The following ZBTB7C variants were observed in gnomAD, a reference collection of about 807,000 sequenced individuals.
ZBTB7C encodes zinc finger and BTB domain containing 7C.
Under a neutral mutation model 25.7 loss-of-function variants are expected in ZBTB7C, and 8 were observed. The observed-to-expected ratio is 0.31, with a 90% CI of 0.18 to 0.56. The LOEUF (loss-of-function observed/expected upper bound fraction) is 0.56, where lower values mean the gene tolerates loss of function less well. Ranked by LOEUF, ZBTB7C falls within the 20% of genes least tolerant of loss-of-function variation. ZBTB7C has a pLI of 0.91. For missense variants in ZBTB7C, 824 were observed against 855.2 expected, an observed-to-expected ratio of 0.96 and a Z score of 0.46; for synonymous variants, 394 against 369.0, an observed-to-expected ratio of 1.07 and a Z score of -0.78.
intron 3 of ZBTB7C, among the ~76,000 whole-genome samples, chr18:48,064,532 T>G (rs1435916803): frequency 1.3e-5 from 2 of 152,174 alleles, no homozygotes; most frequent in African/African-American, 4.8e-5. Context: ...TACTTGAGTT[T>G]AGGAGTTCAA....
intron 2 of ZBTB7C, among the ~76,000 whole-genome samples, chr18:48,245,384 T>C (rs1212294476): frequency 3.3e-5 from 5 of 150,884 alleles, no homozygotes; most frequent in Admixed American, 2.0e-4. Flanking sequence ...ACTGCTCAGG[T>C]GATGGGTGCA....
rs1339953533 is a variant in ZBTB7C, at chr18:48,029,055, GGAAAAGATGCCC to G, written c.*193_*204del. 1 of 728,720 alleles carries G rather than the reference GGAAAAGATGCCC, an allele frequency of 1.4e-6. No homozygotes were observed. Among genetic ancestry groups the G allele is most frequent in the Admixed American group, 4.0e-5 (1 of 25,242 alleles). The allele number at this position is 728,720 out of a possible 1,614,324, so 45.1% of individuals were successfully genotyped here. On this transcript the variant is annotated 3_prime_UTR_variant, in exon 5 of 5. Coordinates refer to ENST00000590800, the MANE Select transcript of ZBTB7C (RefSeq NM_001318841.2). Reference sequence around the variant, plus strand: ...GGAGGCCCGGGCTCCTGGCCTTTTGGGAAAAGATGCCCGTCTCAGACCAGCAAAAGGAGGCAG... The same window carrying G: ...GGAGGCCCGGGCTCCTGGCCTTTTGGGTCTCAGACCAGCAAAAGGAGGCAG...
At chr18:48,128,732 CA>C (rs879132349) in intron 3 of ZBTB7C, among the ~76,000 whole-genome samples, 9 of 151,318 alleles carry the variant, frequency 5.9e-5, no homozygotes, top group African/African-American at 1.7e-4. Flanking sequence ...GGGTGAGGGA[CA>C]AAAAAAACTA....
intron 1 of ZBTB7C, among the ~76,000 whole-genome samples, chr18:48,341,848 G>C (rs547138108): frequency 1.0e-3 from 157 of 152,238 alleles, no homozygotes; most frequent in Non-Finnish European, 1.9e-3. Context: ...TTACAAGTGT[G>C]ATCTGGAGAT....
intron 3 of ZBTB7C, among the ~76,000 whole-genome samples, chr18:48,180,148 T>TTCCTTCCTTCCTTCCTTCCTTCCTTCC (rs1568282872): frequency 2.0e-4 from 7 of 35,648 alleles, no homozygotes; most frequent in South Asian, 2.3e-3. Context: ...TCCTTCCTTC[T>TTCCTTCCTTCCTTCCTTCCTTCCTTCC]TTCCCTCCCT....
intron 1 of ZBTB7C, among the ~76,000 whole-genome samples, chr18:48,396,944 A>G (rs961139099): frequency 2.0e-5 from 3 of 152,172 alleles, no homozygotes; most frequent in African/African-American, 7.2e-5. Flanking sequence ...GAATTTAGTG[A>G]TCTGATATTT....
intron 1 of ZBTB7C, among the ~76,000 whole-genome samples, chr18:48,367,175 T>TTATATA (rs71165321): frequency 0.031 from 1,908 of 61,528 alleles, 32 homozygotes; most frequent in African/African-American, 0.045. Context: ...TCCCCAAGTT[T>TTATATA]TATATATATA....
intron 1 of ZBTB7C, among the ~76,000 whole-genome samples, chr18:48,383,394 C>A (rs1278761173): frequency 2.6e-5 from 4 of 151,914 alleles, no homozygotes; most frequent in Non-Finnish European, 4.4e-5. Flanking sequence ...GCCTCCCGAG[C>A]AGCTGGGACT....
chr18:48,194,537 G>A (rs2042272443), intron 2 of ZBTB7C, among the ~76,000 whole-genome samples: 2 of 152,154 alleles, frequency 1.3e-5, no homozygotes, highest in Non-Finnish European at 2.9e-5. Context: ...TAATGTGAGA[G>A]GGCTCCCAGG....
At chr18:48,209,732 G>C (rs2042659888) in intron 2 of ZBTB7C, among the ~76,000 whole-genome samples, 1 of 151,342 alleles carries the variant, frequency 6.6e-6, no homozygotes. Flanking sequence ...TCCCACCTGG[G>C]CAACAGAACA....
intron 2 of ZBTB7C, among the ~76,000 whole-genome samples, chr18:48,337,561 A>T (rs2046484531): frequency 6.6e-6 from 1 of 152,156 alleles, no homozygotes; most frequent in African/African-American, 2.4e-5. Context: ...ACAGGCCCCT[A>T]CTGTCCTCTC....
At chr18:48,293,864 A>G (rs1318924439) in intron 2 of ZBTB7C, among the ~76,000 whole-genome samples, 6 of 138,398 alleles carry the variant, frequency 4.3e-5, no homozygotes, top group Non-Finnish European at 3.2e-5. Context: ...GCAATCCTCC[A>G]GCCTAAGCCT....
At chr18:48,221,941 G>T (rs1290055971) in intron 2 of ZBTB7C, among the ~76,000 whole-genome samples, 3 of 145,956 alleles carry the variant, frequency 2.1e-5, no homozygotes, top group Non-Finnish European at 4.5e-5. Context: ...TACTGTCCCA[G>T]TCTCCTCTAT....
intron 3 of ZBTB7C, among the ~76,000 whole-genome samples, chr18:48,161,710 G>T (rs554321452): frequency 6.7e-6 from 1 of 148,342 alleles, no homozygotes; most frequent in Non-Finnish European, 1.5e-5. Context: ...GGCCCGGCCC[G>T]GGCGCCCCGC....
chr18:48,285,497 ATC>A (rs1402840525), intron 2 of ZBTB7C, among the ~76,000 whole-genome samples: 1 of 151,952 alleles, frequency 6.6e-6, no homozygotes, highest in African/African-American at 2.4e-5. Context: ...CTTGGCTTTC[ATC>A]TCTTTCTTCT....
intron 2 of ZBTB7C, among the ~76,000 whole-genome samples, chr18:48,219,840 G>A (rs916206080): frequency 6.6e-6 from 1 of 152,324 alleles, no homozygotes; most frequent in Non-Finnish European, 1.5e-5. Context: ...TCAGAGCAGA[G>A]AGTGGGATGG....
intron 2 of ZBTB7C, among the ~76,000 whole-genome samples, chr18:48,260,643 G>C (rs565508929): frequency 1.3e-5 from 2 of 152,312 alleles, no homozygotes; most frequent in Admixed American, 1.3e-4. Context: ...CTTCCGGTCA[G>C]GGAGATGGTC....
chr18:48,354,416 C>T (rs936039173), intron 1 of ZBTB7C, among the ~76,000 whole-genome samples: 6 of 152,112 alleles, frequency 3.9e-5, no homozygotes, highest in Admixed American at 1.3e-4. Flanking sequence ...GGAGTCTTTA[C>T]GTGCACGAAC....
intron 2 of ZBTB7C, among the ~76,000 whole-genome samples, chr18:48,272,832 G>C (rs888935532): frequency 2.0e-5 from 3 of 152,060 alleles, no homozygotes; most frequent in Non-Finnish European, 4.4e-5. Context: ...AAATGAATTA[G>C]GTACTAATTT....
Sources: allele counts gnomAD v4.1 joint callset (sites outside exome capture counted in the v4.1 genomes callset), GRCh38; gene constraint gnomAD v4.1.1; transcripts MANE v1.5; gene names NCBI Gene and HGNC (gene_info 2026-07-23, HGNC 2026-07-21).